Variants in PARP8 observed in about 807,000 individuals in gnomAD.
PARP8 encodes protein mono-ADP-ribosyltransferase PARP8.
Under a neutral mutation model 124.1 loss-of-function variants are expected in PARP8, and 51 were observed. The observed-to-expected ratio is 0.41, with a 90% CI of 0.33 to 0.52. PARP8 has a LOEUF of 0.52. PARP8 is among the 20% of genes least tolerant of loss of function. The pLI is 0.21. For missense variants in PARP8, 860 were observed against 1,018.9 expected (o/e 0.84, Z 2.12); for synonymous variants, 391 against 361.5 (o/e 1.08, Z -0.93).
At chr5:50,717,757 CTT>C (rs779955802) in intron 2 of PARP8, among the ~76,000 whole-genome samples, 3 of 151,922 alleles carry the variant, frequency 2.0e-5, no homozygotes, top group Non-Finnish European at 4.4e-5. Context: ...AACAATGAAT[CTT>C]TGCACATGAG....
chr5:50,795,514 C>A, intron 12 of PARP8, 97 bp downstream of exon 12: 1 of 1,019,638 alleles, frequency 9.8e-7, no homozygotes, highest in Non-Finnish European at 1.4e-6. Flanking sequence ...AGAAGCAAAA[C>A]TTTGTTTTAA....
In PARP8 at chr5:50,704,086, C is replaced by CT. The variant is rs557518426; in HGVS notation, c.146+35969dup. Among the ~76,000 whole-genome samples, 322 of 151,828 alleles carry CT rather than the reference C, an allele frequency of 2.1e-3. 2 individuals are homozygous for CT. The highest frequency in any genetic ancestry group is 7.2e-4 in the Non-Finnish European group (49 of 67,908). On this transcript the variant is annotated intron_variant, in intron 2 of 25. Coordinates refer to ENST00000281631, the MANE Select transcript of PARP8 (RefSeq NM_024615.4). ...CTTGTTTTCTTAATTCACATTCAGT[C>CT]TTTTTTTTGCAGTAAGAAATTGTCC...
intron 17 of PARP8, among the ~76,000 whole-genome samples, chr5:50,823,785 G>T (rs772259264): frequency 1.3e-5 from 2 of 152,198 alleles, no homozygotes; most frequent in Non-Finnish European, 2.9e-5. Flanking sequence ...TATTTTAATA[G>T]AAGGGAACGT....
intron 2 of PARP8, among the ~76,000 whole-genome samples, chr5:50,714,191 A>G (rs189972067): frequency 2.0e-5 from 3 of 150,120 alleles, no homozygotes; most frequent in African/African-American, 7.3e-5. Context: ...AGAGCCCCAC[A>G]TTTTCTTCTC....
chr5:50,779,069 G>A (rs1003999918), intron 9 of PARP8, among the ~76,000 whole-genome samples: 4 of 152,038 alleles, frequency 2.6e-5, no homozygotes, highest in African/African-American at 9.7e-5. Context: ...GAATCTTTAA[G>A]CGACAATGTT....
At chr5:50,713,735 A>T (rs2149492274) in intron 2 of PARP8, among the ~76,000 whole-genome samples, 1 of 152,174 alleles carries the variant, frequency 6.6e-6, no homozygotes, top group South Asian at 2.1e-4. Context: ...CTTGATAATT[A>T]TGTTGAGCCC....
At chr5:50,813,185 G>A (rs907125428) in intron 14 of PARP8, among the ~76,000 whole-genome samples, 2 of 152,170 alleles carry the variant, frequency 1.3e-5, no homozygotes, top group Admixed American at 6.5e-5. Flanking sequence ...ACCTTGGGCA[G>A]TATGGCTATT....
chr5:50,695,168 A>G lies in PARP8; in HGVS notation c.146+27043A>G, dbSNP rs368136050. Among the ~76,000 whole-genome samples the G allele has an allele frequency of 5.3e-5, 8 of 152,334 alleles. No homozygotes were observed. The East Asian group carries it at 9.6e-4, about 18-fold the overall frequency. On this transcript the variant is annotated intron_variant, in intron 2 of 25. Coordinates refer to ENST00000281631, the MANE Select transcript of PARP8 (RefSeq NM_024615.4). ...CAATCCAATCAAGTTGACACTTAAT[A>G]TTAACCATCATACTGGCTATGTAGA...
rs375338263 is a variant in PARP8 at position 50,734,351 on chromosome 5, A to G, written c.147-15800A>G. On this transcript the variant is annotated intron_variant, in intron 2 of 25. Coordinates refer to ENST00000281631, the MANE Select transcript of PARP8 (RefSeq NM_024615.4). The stretch of plus-strand genomic sequence containing the variant: ...CAGAAAAAGAAAGGGAAAAAAGGAG[A>G]AGGAAAGGTTTGTGTGATGGTGTAG... Among the ~76,000 whole-genome samples, 7 of 152,256 alleles carry G rather than the reference A, an allele frequency of 4.6e-5. No individual in the cohort carries two copies. In the East Asian group the frequency reaches 9.7e-4, roughly 21 times the overall value.
chr5:50,817,162 G>A (rs1580444123), intron 15 of PARP8, among the ~76,000 whole-genome samples: 1 of 152,234 alleles, frequency 6.6e-6, no homozygotes, highest in East Asian at 1.9e-4. Flanking sequence ...ATGGTATGTT[G>A]ATAGAATAAT....
In PARP8 at chr5:50,836,657, C is replaced by T. The variant is rs1747620364; in HGVS notation, c.2462+1642C>T. Among the ~76,000 whole-genome samples, 3 of 152,102 alleles carry T rather than the reference C, an allele frequency of 2.0e-5. No individual in the cohort carries two copies. The South Asian group carries it at 6.2e-4, about 32-fold the overall frequency. On this transcript the variant is annotated intron_variant, in intron 25 of 25. Coordinates refer to ENST00000281631, the MANE Select transcript of PARP8 (RefSeq NM_024615.4). ...AGACTCCAAGAGGATCCTGGGGGCTCCTAGAGAAGCTAACTGCACACAGTA... is the reference window on the plus strand; with the variant it reads ...AGACTCCAAGAGGATCCTGGGGGCTTCTAGAGAAGCTAACTGCACACAGTA...
rs144347990 is a variant in PARP8, at chr5:50,823,905, G to A, written c.1861-1003G>A. Among the ~76,000 whole-genome samples, 68 of 152,318 alleles carry A rather than the reference G, an allele frequency of 4.5e-4. 1 individual carries two copies. The East Asian group carries it at 7.9e-3, about 18-fold the overall frequency. On this transcript the variant is annotated intron_variant, in intron 17 of 25. Transcript: ENST00000281631. Reference sequence around the variant, plus strand: ...AAGTTGCTTAATTGCTTGGCGCTTCGCTGTCAAGGTGGAAGTAGTAATGCT... The same window carrying A: ...AAGTTGCTTAATTGCTTGGCGCTTCACTGTCAAGGTGGAAGTAGTAATGCT...
Position 50,845,934 on chromosome 5 carries a change from T to A in PARP8, c.*3866T>A, listed in dbSNP as rs1308912710. 6.6e-6 allele frequency: 1 copy of A among 151,806 alleles called. No individual in the cohort carries two copies. The highest frequency in any genetic ancestry group is 1.5e-5 in the Non-Finnish European group (1 of 67,792). The allele number at this position is 151,806 out of a possible 1,614,324, so 9.4% of individuals were successfully genotyped here. ...ATGTATATTATTACCCAGTAAATTC[T>A]TCTTGGGAATTTTGTATACATTATG... On this transcript the variant is annotated 3_prime_UTR_variant, in exon 26 of 26. Transcript: ENST00000281631.
At chr5:50,718,138 AG>A (rs1392021999) in intron 2 of PARP8, among the ~76,000 whole-genome samples, 1 of 152,032 alleles carries the variant, frequency 6.6e-6, no homozygotes, top group Non-Finnish European at 1.5e-5. Context: ...CTAAGAAATA[AG>A]GGGAATTTTT....
At chr5:50,791,159 A>T (rs2149640099) in intron 10 of PARP8, among the ~76,000 whole-genome samples, 1 of 152,332 alleles carries the variant, frequency 6.6e-6, no homozygotes. Flanking sequence ...ACTTTTTCAC[A>T]GGAAAATTTT....
intron 7 of PARP8, among the ~76,000 whole-genome samples, chr5:50,764,173 C>G (rs1760836142): frequency 6.6e-6 from 1 of 152,118 alleles, no homozygotes. Context: ...GTTTATTATT[C>G]GTCTCATGTC....
At chr5:50,806,466 T>C (rs1323778547) in intron 14 of PARP8, among the ~76,000 whole-genome samples, 1 of 151,982 alleles carries the variant, frequency 6.6e-6, no homozygotes, top group African/African-American at 2.4e-5. Context: ...TGACTTTATC[T>C]ATATCTGCAA....
intron 25 of PARP8, among the ~76,000 whole-genome samples, chr5:50,840,743 A>C (rs1404697303): frequency 6.6e-6 from 1 of 151,854 alleles, no homozygotes; most frequent in Non-Finnish European, 1.5e-5. Context: ...GGATGCAATA[A>C]AAGTCATGGA....
chr5:50,828,145 G>T, intron 20 of PARP8, 89 bp downstream of exon 20: 1 of 1,182,646 alleles, frequency 8.5e-7, no homozygotes, highest in South Asian at 1.3e-5. Context: ...TTCAGTAAAT[G>T]ATCATTCAGT....
Sources: gnomAD v4.1 joint callset for allele counts (sites outside exome capture counted in the v4.1 genomes callset) on GRCh38, gnomAD v4.1.1 for gene constraint, MANE v1.5 for transcripts, NCBI Gene and HGNC (gene_info 2026-07-23, HGNC 2026-07-21) for gene names.